SKA3: variants seen among roughly 807,000 people sequenced by gnomAD.
The protein encoded by SKA3 is spindle and kinetochore associated complex subunit 3, also known as spindle and kinetochore-associated protein 3.
In SKA3, 39 loss-of-function variants were observed where a neutral mutation model predicts 44.2. The observed-to-expected ratio is 0.88, with a 90% CI of 0.68 to 1.15. The LOEUF (loss-of-function observed/expected upper bound fraction) is 1.15. Ranked by LOEUF, SKA3 falls within the 50% of genes most tolerant of loss-of-function variation. The pLI is 0.00. For synonymous variants in SKA3, 192 were observed against 172.0 expected (o/e 1.12, Z -0.91); for missense variants, 511 against 485.8 (o/e 1.05, Z -0.49).
At chr13:21,168,506 T>C in intron 3 of SKA3, 107 bp from the exon 4 acceptor site, 1 of 902,530 alleles carries the variant, frequency 1.1e-6, no homozygotes, top group Non-Finnish European at 1.6e-6. Context: ...TCAGCAAAAG[T>C]TCCAATTGTC....
chr13:21,154,867 C>G lies in SKA3; in HGVS notation c.*283G>C, dbSNP rs1223586066. ...AAATTACTTGTCCTACTTCCTGGTA[C>G]TACTTAAACCATTCTGTTGATTAAG... On this transcript the variant is annotated 3_prime_UTR_variant, in exon 9 of 9. Transcript: ENST00000314759. 3 of 538,532 alleles carry G rather than the reference C, an allele frequency of 5.6e-6. No individual in the cohort carries two copies. Among genetic ancestry groups the G allele is most frequent in the Non-Finnish European group, 9.8e-6 (3 of 306,592 alleles). 33.4% of individuals were successfully genotyped at this position (538,532 alleles called of 1,614,324 possible). A position where few individuals can be genotyped will look rare whatever the true frequency, so the allele number is the denominator to read the frequency against.
At chr13:21,161,763 G>C (rs377144863) in intron 5 of SKA3, 27 bp downstream of exon 5, 4 of 1,150,628 alleles carry the variant, frequency 3.5e-6, no homozygotes, top group Non-Finnish European at 4.7e-6. Context: ...AAATGTTCCT[G>C]AGAAGTAACT....
At position 21,176,435 on chromosome 13, in the gene SKA3, C is replaced by T. The variant is rs1475482915; in HGVS notation, c.43G>A (p.Ala15Thr). ...GCCGTCTCGCAGTCCAGCGTGCTGG[C>T]CAGAGACCGCAGCTTCCCGCAGAAG... ...RSFCGKLRSL[A>T]STLDCETARL... Residue 15 changes from alanine (A) to threonine (T), a missense_variant, in exon 1 of 9, where the codon GCC becomes ACC. Ala to Thr is a moderately conservative substitution (Grantham distance 58). Transcript: ENST00000314759. The T allele has an allele frequency of 6.3e-7, 1 of 1,583,288 alleles. No individual in the cohort carries two copies. Among genetic ancestry groups the T allele is most frequent in the Non-Finnish European group, 8.6e-7 (1 of 1,165,948 alleles).
Position 21,159,817 on chromosome 13 carries a change from T to C in SKA3, c.915+85A>G, listed in dbSNP as rs1037851243. The C allele has an allele frequency of 1.4e-5, 12 of 861,610 alleles. No individual in the cohort carries two copies. In the African/African-American group the frequency reaches 1.9e-4, roughly 14 times the overall value. 53.4% of individuals were successfully genotyped at this position (861,610 alleles called of 1,614,324 possible). A position where few individuals can be genotyped will look rare whatever the true frequency, so the allele number is the denominator to read the frequency against. On this transcript the variant is annotated intron_variant, in intron 6 of 8. Coordinates refer to ENST00000314759, the MANE Select transcript of SKA3 (RefSeq NM_145061.6). ...AAAAGCTGGATTCATCCATGTCTTCTAAACAGACTCTTTGAGCCTGCAAGC... is the reference window on the plus strand; with the variant it reads ...AAAAGCTGGATTCATCCATGTCTTCCAAACAGACTCTTTGAGCCTGCAAGC...
intron 6 of SKA3, among the ~76,000 whole-genome samples, chr13:21,158,664 C>A (rs1184147300): frequency 6.6e-6 from 1 of 152,046 alleles, no homozygotes; most frequent in Non-Finnish European, 1.5e-5. Flanking sequence ...CGCTTAATGT[C>A]ATAACTATAT....
Position 21,172,908 on chromosome 13 carries a change from C to T in SKA3, c.104-227G>A, listed in dbSNP as rs187984217. ...AGTTGCTTACAGTATTCAATGCAGTCGCATGCTATACAGGTTTGTGGCCTA... is the reference window on the plus strand; with the variant it reads ...AGTTGCTTACAGTATTCAATGCAGTTGCATGCTATACAGGTTTGTGGCCTA... On this transcript the variant is annotated intron_variant, in intron 1 of 8. Coordinates refer to ENST00000314759, the MANE Select transcript of SKA3 (RefSeq NM_145061.6). Among the ~76,000 whole-genome samples, 6 of 152,250 alleles carry T rather than the reference C, an allele frequency of 3.9e-5. No individual in the cohort carries two copies. The East Asian group carries it at 1.2e-3, about 29-fold the overall frequency.
At chr13:21,163,906 G>A (rs1386324397) in intron 4 of SKA3, among the ~76,000 whole-genome samples, 1 of 152,166 alleles carries the variant, frequency 6.6e-6, no homozygotes, top group East Asian at 1.9e-4. Context: ...TGGGACTACA[G>A]GCGCCCGTCA....
chr13:21,168,203 T>G lies in SKA3; in HGVS notation c.528A>C (p.Pro176=). ...YIVSQVLPNP[P]QAVNNYKEEP... is the part of the protein sequence containing the mutation. ...CTTCCTTATAGTTGTTCACTGCCTGTGGAGGGTTTGGTAGAACTTGGGATA... is the reference window on the plus strand; with the variant it reads ...CTTCCTTATAGTTGTTCACTGCCTGGGGAGGGTTTGGTAGAACTTGGGATA... The change falls in exon 4 of 9, where the codon CCA becomes CCC. Residue 176 remains proline, a synonymous_variant. Coordinates refer to ENST00000314759, the MANE Select transcript of SKA3 (RefSeq NM_145061.6). 1 of 1,614,116 alleles carries G rather than the reference T, an allele frequency of 6.2e-7. No individual in the cohort carries two copies. Among genetic ancestry groups the G allele is most frequent in the Non-Finnish European group, 8.5e-7 (1 of 1,179,986 alleles).
intron 3 of SKA3, 130 bp from the exon 4 acceptor site, chr13:21,168,529 T>C: frequency 1.2e-6 from 1 of 836,812 alleles, no homozygotes; most frequent in East Asian, 2.7e-5. Flanking sequence ...AACATTTTAT[T>C]TATTTAGTAT....
At position 21,176,521 on chromosome 13, in the gene SKA3, C is replaced by G. The variant is rs1310814502; in HGVS notation, c.-44G>C. ...GGACTCCAGGCGTACGCAGACCCCA[C>G]CGCTCAGCTCACAGCCTCCCGCCAC... On this transcript the variant is annotated 5_prime_UTR_variant, in exon 1 of 9. Transcript: ENST00000314759. The G allele has an allele frequency of 7.3e-7, 1 of 1,375,484 alleles. No individual in the cohort carries two copies. The highest frequency in any genetic ancestry group is 9.6e-7 in the Non-Finnish European group (1 of 1,036,478). 85.2% of individuals were successfully genotyped at this position (1,375,484 alleles called of 1,614,324 possible).
At chr13:21,158,157 G>A in intron 6 of SKA3, 32 bp from the exon 7 acceptor site, 1 of 1,019,676 alleles carries the variant, frequency 9.8e-7, no homozygotes, top group Non-Finnish European at 1.4e-6. Context: ...TTAAATTATG[G>A]TAATATAACA....
intron 1 of SKA3, among the ~76,000 whole-genome samples, chr13:21,175,273 C>T (rs896550035): frequency 6.7e-6 from 1 of 148,400 alleles, no homozygotes. Flanking sequence ...CCACCGTGCA[C>T]GGCCAAATCT....
intron 1 of SKA3, among the ~76,000 whole-genome samples, chr13:21,175,285 T>C (rs893126485): frequency 7.0e-6 from 1 of 142,014 alleles, no homozygotes; most frequent in South Asian, 2.2e-4. Context: ...GCCAAATCTT[T>C]TTTTCTTTTT....
chr13:21,167,684 G>A (rs983248711), intron 4 of SKA3, among the ~76,000 whole-genome samples: 8 of 150,924 alleles, frequency 5.3e-5, no homozygotes, highest in Admixed American at 2.6e-4. Flanking sequence ...GGAGAATGGC[G>A]TGAACCCAGG....
At position 21,161,828 on chromosome 13, in the gene SKA3, G is replaced by A. The variant is rs868854122; in HGVS notation, c.791C>T (p.Ala264Val). 6.2e-7 allele frequency: 1 copy of A among 1,611,750 alleles called. No individual in the cohort carries two copies. Among genetic ancestry groups the A allele is most frequent in the Non-Finnish European group, 8.5e-7 (1 of 1,178,624 alleles). ...TESRLNDNVF[A>V]TPSPIIQQLE... is the part of the protein sequence containing the mutation. ...CTGCTGGATGATGGGGCTGGGAGTG[G>A]CAAAAACATTATCATTGAGCCTGGA... Residue 264 changes from alanine (A) to valine (V), a missense_variant, in exon 5 of 9, where the codon GCC becomes GTC. Coordinates refer to ENST00000314759, the MANE Select transcript of SKA3 (RefSeq NM_145061.6).
At chr13:21,171,385 G>A (rs980108656) in intron 3 of SKA3, among the ~76,000 whole-genome samples, 1 of 152,008 alleles carries the variant, frequency 6.6e-6, no homozygotes, top group Admixed American at 6.6e-5. Context: ...GACCATTCTG[G>A]GTAACACAGT....
chr13:21,160,259 T>TA (rs1211042936), intron 5 of SKA3, among the ~76,000 whole-genome samples: 1 of 152,152 alleles, frequency 6.6e-6, no homozygotes, highest in African/African-American at 2.4e-5. Flanking sequence ...AAAAATGGTG[T>TA]AAAACCTTTA....
chr13:21,157,181 A>C (rs566532657), intron 7 of SKA3, among the ~76,000 whole-genome samples: 2 of 152,378 alleles, frequency 1.3e-5, no homozygotes, highest in South Asian at 4.1e-4. Context: ...TAGAATTGGC[A>C]GTTGTTATAA....
chr13:21,168,764 A>G (rs1189163388), intron 3 of SKA3, among the ~76,000 whole-genome samples: 1 of 151,762 alleles, frequency 6.6e-6, no homozygotes, highest in Non-Finnish European at 1.5e-5. Flanking sequence ...CTGGGCTCAA[A>G]TGATCCTCCT....
Sources: allele counts gnomAD v4.1 joint callset (sites outside exome capture counted in the v4.1 genomes callset), GRCh38; gene constraint gnomAD v4.1.1; transcripts MANE v1.5; gene names NCBI Gene and HGNC (gene_info 2026-07-23, HGNC 2026-07-21).